The following MLKL variants were observed in gnomAD, a reference collection of about 807,000 sequenced individuals.
MLKL encodes mixed lineage kinase domain-like protein.
MLKL carries 55 observed loss-of-function variants against 56.5 expected under a neutral mutation model. The observed-to-expected ratio is 0.97, with a 90% confidence interval of 0.78 to 1.22. The LOEUF (loss-of-function observed/expected upper bound fraction) is 1.22, where lower values mean the gene tolerates loss of function less well. MLKL is among the 50% of genes most tolerant of loss of function. MLKL has a pLI of 0.00. For missense variants in MLKL, 694 were observed against 573.9 expected (o/e 1.21, Z -2.14); for synonymous variants, 251 against 208.3 (o/e 1.20, Z -1.76).
rs998676963 is a variant in MLKL at position 74,679,033 on chromosome 16, G to C, written c.957-53C>G. ...AGTACCTTTGCCCAAACTTTCTTTGGGGGACTGACAATCATAACTGGGCTG... is the reference window on the plus strand; with the variant it reads ...AGTACCTTTGCCCAAACTTTCTTTGCGGGACTGACAATCATAACTGGGCTG... On this transcript the variant is annotated intron_variant, in intron 6 of 10. Coordinates refer to ENST00000308807, the MANE Select transcript of MLKL (RefSeq NM_152649.4). 2.1e-6 allele frequency: 3 copies of C among 1,433,618 alleles called. No individual in the cohort carries two copies. The African/African-American group carries it at 4.2e-5, about 20-fold the overall frequency. 88.8% of individuals were successfully genotyped at this position (1,433,618 alleles called of 1,614,324 possible). A position where few individuals can be genotyped will look rare whatever the true frequency, so the allele number is the denominator to read the frequency against.
At chr16:74,676,088 T>G in intron 7 of MLKL, 1 of 317,510 alleles carries the variant, frequency 3.1e-6, no homozygotes, top group Non-Finnish European at 5.2e-6. Context: ...TATGTTAAAA[T>G]GTAGGGGTTT....
At chr16:74,694,830 A>G (rs755261048) in intron 2 of MLKL, among the ~76,000 whole-genome samples, 7 of 151,810 alleles carry the variant, frequency 4.6e-5, no homozygotes, top group Non-Finnish European at 1.0e-4. Context: ...CCCCCACCAT[A>G]TATCTGGGCC....
intron 6 of MLKL, among the ~76,000 whole-genome samples, chr16:74,681,099 A>G (rs1439568246): frequency 2.6e-5 from 4 of 152,242 alleles, no homozygotes; most frequent in Middle Eastern, 3.4e-3. Flanking sequence ...ATATCAGTTC[A>G]TTGAAACCTC....
intron 5 of MLKL, 98 bp downstream of exon 5, chr16:74,685,387 AC>A (rs946323571): frequency 1.2e-6 from 1 of 856,662 alleles, no homozygotes; most frequent in Admixed American, 2.3e-5. Context: ...TGTGGATTCC[AC>A]CCTTTGTGAT....
intron 4 of MLKL, among the ~76,000 whole-genome samples, chr16:74,688,526 C>T (rs564843346): frequency 1.3e-5 from 2 of 151,888 alleles, no homozygotes; most frequent in South Asian, 4.2e-4. Context: ...CCAGCCTGGC[C>T]AACATGGTGA....
chr16:74,681,348 G>C (rs751547356), intron 6 of MLKL, among the ~76,000 whole-genome samples: 11 of 152,042 alleles, frequency 7.2e-5, no homozygotes, highest in Admixed American at 3.3e-4. Context: ...TTTAAAAAGT[G>C]AGTCAATGTA....
intron 10 of MLKL, among the ~76,000 whole-genome samples, chr16:74,673,077 G>C (rs1959332188): frequency 6.6e-6 from 1 of 152,198 alleles, no homozygotes; most frequent in Non-Finnish European, 1.5e-5. Context: ...CTCTCAGGTA[G>C]TGTGAGAGGT....
chr16:74,691,359 C>A lies in MLKL; in HGVS notation c.640G>T (p.Val214Phe). 2 of 1,613,728 alleles carry A rather than the reference C, an allele frequency of 1.2e-6. No individual in the cohort carries two copies. The highest frequency in any genetic ancestry group is 1.7e-6 in the Non-Finnish European group (2 of 1,179,944). Residue 214 changes from valine to phenylalanine, a missense_variant, in exon 4 of 11, where the codon GTC becomes TTC. Val to Phe is a conservative substitution (Grantham distance 50). Coordinates refer to ENST00000308807, the MANE Select transcript of MLKL (RefSeq NM_152649.4). ...TATTCTCCTTTATAAAGTGTGCTGA[C>A]TTCATTTTCCCTTAGCAGAATCCAC... ...SPWILLRENE[V>F]STLYKGEYHR...
intron 5 of MLKL, among the ~76,000 whole-genome samples, chr16:74,684,412 A>G (rs1048409196): frequency 7.5e-6 from 1 of 133,224 alleles, no homozygotes; most frequent in African/African-American, 2.9e-5. Context: ...GAGAAAATGC[A>G]GTCACATTGG....
At chr16:74,696,968 T>TAC (rs1219065888) in intron 1 of MLKL, among the ~76,000 whole-genome samples, 65 of 142,646 alleles carry the variant, frequency 4.6e-4, no homozygotes, top group African/African-American at 1.7e-3. Context: ...TATATAGTAA[T>TAC]ATATATGTAA....
At chr16:74,696,628 A>G (rs1301621306) in intron 1 of MLKL, among the ~76,000 whole-genome samples, 2 of 151,802 alleles carry the variant, frequency 1.3e-5, no homozygotes, top group African/African-American at 4.8e-5. Flanking sequence ...CTCTACAAAA[A>G]TAAAAAAAAT....
chr16:74,690,292 G>A (rs1384682198), intron 4 of MLKL, among the ~76,000 whole-genome samples: 2 of 152,216 alleles, frequency 1.3e-5, no homozygotes, highest in Non-Finnish European at 2.9e-5. Context: ...GAGGTTGCTT[G>A]TGGGAGTGTA....
At chr16:74,695,866 C>T (rs1469818985) in intron 1 of MLKL, 107 bp from the exon 2 acceptor site, 15 of 984,072 alleles carry the variant, frequency 1.5e-5, no homozygotes, top group Non-Finnish European at 2.2e-5. Flanking sequence ...CTGAGGAGGT[C>T]TCCCCAGCAT....
At chr16:74,676,499 T>C in intron 7 of MLKL, 1 of 980,598 alleles carries the variant, frequency 1.0e-6, no homozygotes, top group South Asian at 4.7e-5. Flanking sequence ...TTCATTCATT[T>C]GCTCACACGT....
At chr16:74,686,860 A>T (rs1362970817) in intron 4 of MLKL, among the ~76,000 whole-genome samples, 1 of 152,230 alleles carries the variant, frequency 6.6e-6, no homozygotes, top group Non-Finnish European at 1.5e-5. Context: ...TAAATTAAAA[A>T]TTTTCATTTC....
chr16:74,680,537 C>T (rs998129368), intron 6 of MLKL, among the ~76,000 whole-genome samples: 1 of 151,752 alleles, frequency 6.6e-6, no homozygotes, highest in Non-Finnish European at 1.5e-5. Flanking sequence ...GACGGAGTCT[C>T]GCTCTGTCGC....
chr16:74,685,670 G>A, intron 4 of MLKL, 87 bp from the exon 5 acceptor site: 3 of 1,012,850 alleles, frequency 3.0e-6, no homozygotes, highest in Non-Finnish European at 4.6e-6. Context: ...TGTGTATGTG[G>A]GGGCGGGGGT....
intron 7 of MLKL, 64 bp downstream of exon 7, chr16:74,678,835 G>T: frequency 8.8e-7 from 1 of 1,141,054 alleles, no homozygotes; most frequent in Non-Finnish European, 1.3e-6. Context: ...TGAGACACTC[G>T]TGCCCCTCTC....
rs1349493478 is a variant in MLKL at position 74,678,977 on chromosome 16, T to C, written c.960A>G (p.Leu320=). Residue 320 remains leucine (L), a synonymous_variant, in exon 7 of 11, where the codon CTA becomes CTG. Transcript: ENST00000308807. Reference sequence around the variant, plus strand: ...GGAGTTCAGGTGCTTCTGAATGGTGTAGCCTGACACAGCCAAAGGCGGGGA... The same window carrying C: ...GGAGTTCAGGTGCTTCTGAATGGTGCAGCCTGACACAGCCAAAGGCGGGGA... ...VLGAARGLYR[L]HHSEAPELHG... 1 of 1,613,826 alleles carries C rather than the reference T, an allele frequency of 6.2e-7. No homozygotes were observed. The highest frequency in any genetic ancestry group is 2.2e-5 in the East Asian group (1 of 44,868).
Sources: allele counts gnomAD v4.1 joint callset (sites outside exome capture counted in the v4.1 genomes callset), GRCh38; gene constraint gnomAD v4.1.1; transcripts MANE v1.5; gene names NCBI Gene and HGNC (gene_info 2026-07-23, HGNC 2026-07-21).